The following STX7 variants were observed in gnomAD, a reference collection of about 807,000 sequenced individuals.
The protein encoded by STX7 is syntaxin-7.
Under a neutral mutation model 39.6 loss-of-function variants are expected in STX7, and 34 were observed. The ratio of observed to expected loss-of-function variants is 0.86; its 90% CI spans 0.65 to 1.14. STX7 has a LOEUF of 1.14. STX7 is among the 50% of genes most tolerant of loss of function. STX7 has a pLI of 0.00. For missense variants in STX7, 284 were observed against 310.4 expected (o/e 0.92, Z 0.64); for synonymous variants, 119 against 99.1 (o/e 1.20, Z -1.19).
chr6:132,461,785 G>A lies in STX7; in HGVS notation c.694-935C>T, dbSNP rs969728814. 3.1e-5 allele frequency: 46 copies of A among 1,486,866 alleles called. No individual in the cohort carries two copies. In the East Asian group the frequency reaches 3.7e-4, roughly 12 times the overall value. 92.1% of individuals were successfully genotyped at this position (1,486,866 alleles called of 1,614,324 possible). A position where few individuals can be genotyped will look rare whatever the true frequency, so the allele number is the denominator to read the frequency against. ...ACCGAATGGTTAAGAATTTTGTTCC[G>A]TTCTTCATTCCTGGTTCAGTTGTAG... On this transcript the variant is annotated intron_variant, in intron 9 of 9. Transcript: ENST00000367941.
chr6:132,468,878 T>C (rs986832283), intron 7 of STX7, among the ~76,000 whole-genome samples: 4 of 152,204 alleles, frequency 2.6e-5, no homozygotes, highest in Non-Finnish European at 4.4e-5. Flanking sequence ...AATTTACACA[T>C]CAATTTGACA....
intron 3 of STX7, among the ~76,000 whole-genome samples, chr6:132,474,523 T>C (rs187607039): frequency 5.8e-4 from 89 of 152,272 alleles, no homozygotes; most frequent in African/African-American, 2.1e-3. Flanking sequence ...CTCTTTGCAG[T>C]TTTCCCTCTA....
In STX7 at chr6:132,447,431, T is replaced by A. The variant is rs1774037542; in HGVS notation, c.*13327A>T. ...TATACATGCTTAAGAAATATGCACA[T>A]GCTCTAAATTGGGGGAACATGATCC... On this transcript the variant is annotated 3_prime_UTR_variant, in exon 10 of 10. Transcript: ENST00000367941. 6.6e-6 allele frequency: 1 copy of A among 152,238 alleles called. No individual in the cohort carries two copies. The highest frequency in any genetic ancestry group is 1.5e-5 in the Non-Finnish European group (1 of 68,034). The allele number at this position is 152,238 out of a possible 1,614,324, so 9.4% of individuals were successfully genotyped here.
Position 132,489,214 on chromosome 6 carries a change from A to G in STX7, c.86-13552T>C, listed in dbSNP as rs577809824. On this transcript the variant is annotated intron_variant, in intron 2 of 9. Transcript: ENST00000367941. ...GGACTCTGTCTTAAAAAAAAAAAAA[A>G]AAAAAAAAAAAGGATGATATATATG... 1.2e-3 allele frequency among the ~76,000 whole-genome samples: 173 copies of G among 144,882 alleles called. 1 individual carries two copies. The highest frequency in any genetic ancestry group is 4.6e-3 in the African/African-American group (168 of 36,486).
rs369986303 is a variant in STX7, at chr6:132,470,247, A to T, written c.441-200T>A. Reference sequence around the variant, plus strand: ...TCATTTCACTTATATCATTTTAGCTAATGTGAGTTTAGAGTTATTACTTAA... The same window carrying T: ...TCATTTCACTTATATCATTTTAGCTTATGTGAGTTTAGAGTTATTACTTAA... On this transcript the variant is annotated intron_variant, in intron 6 of 9. Transcript: ENST00000367941. 2.0e-4 allele frequency among the ~76,000 whole-genome samples: 31 copies of T among 152,266 alleles called. No individual in the cohort carries two copies. The East Asian group carries it at 4.6e-3, about 23-fold the overall frequency.
rs558653987 is a variant in STX7 at position 132,493,144 on chromosome 6, C to T, written c.85+10302G>A. ...GTGGCCATACTCAATATCATTAATA[C>T]GTAACTTCAAATAATGATAATGATA... is the stretch of plus-strand genomic sequence containing the variant. On this transcript the variant is annotated intron_variant, in intron 2 of 9. Transcript: ENST00000367941. 1.6e-4 allele frequency among the ~76,000 whole-genome samples: 25 copies of T among 152,064 alleles called. No individual in the cohort carries two copies. The South Asian group carries it at 4.2e-3, about 25-fold the overall frequency.
Position 132,446,358 on chromosome 6 carries a change from A to G in STX7, c.*14400T>C, listed in dbSNP as rs954918147. ...AAGATGATTGGGGTGAAAAACTGTCAATTGAAAAAAGTTTGAAAGAAACCT... is the reference window on the plus strand; with the variant it reads ...AAGATGATTGGGGTGAAAAACTGTCGATTGAAAAAAGTTTGAAAGAAACCT... On this transcript the variant is annotated 3_prime_UTR_variant, in exon 10 of 10. Transcript: ENST00000367941. The G allele has an allele frequency of 2.0e-5, 3 of 152,174 alleles. No individual in the cohort carries two copies. Among genetic ancestry groups the G allele is most frequent in the African/African-American group, 7.2e-5 (3 of 41,448 alleles). The allele number at this position is 152,174 out of a possible 1,614,324, so 9.4% of individuals were successfully genotyped here. A position where few individuals can be genotyped will look rare whatever the true frequency, so the allele number is the denominator to read the frequency against.
chr6:132,509,172 A>T (rs1307060483), intron 1 of STX7, among the ~76,000 whole-genome samples: 2 of 152,248 alleles, frequency 1.3e-5, no homozygotes, highest in East Asian at 3.9e-4. Context: ...AGAAAAACCA[A>T]ATTTGGGCTG....
intron 2 of STX7, among the ~76,000 whole-genome samples, chr6:132,498,179 A>G (rs1775462643): frequency 6.6e-6 from 1 of 152,180 alleles, no homozygotes; most frequent in African/African-American, 2.4e-5. Context: ...CTGTCTACAG[A>G]GCCTGTAATA....
In STX7 at chr6:132,447,399, A is replaced by T. The variant is rs1774036770; in HGVS notation, c.*13359T>A. 6.6e-6 allele frequency: 1 copy of T among 152,130 alleles called. No individual in the cohort carries two copies. The highest frequency in any genetic ancestry group is 6.6e-5 in the Admixed American group (1 of 15,264). The allele number at this position is 152,130 out of a possible 1,614,324, so 9.4% of individuals were successfully genotyped here. ...ACATTCCTTTATCATTTTCCTTCTA[A>T]ATCTTTTATACATGCTTAAGAAATA... On this transcript the variant is annotated 3_prime_UTR_variant, in exon 10 of 10. Coordinates refer to ENST00000367941, the MANE Select transcript of STX7 (RefSeq NM_003569.3).
chr6:132,505,352 A>G (rs1364049642), intron 1 of STX7, among the ~76,000 whole-genome samples: 1 of 152,186 alleles, frequency 6.6e-6, no homozygotes, highest in East Asian at 1.9e-4. Context: ...AGGAAGTACA[A>G]CAGCTGAACT....
chr6:132,505,393 T>C (rs1175632070), intron 1 of STX7, among the ~76,000 whole-genome samples: 2 of 152,318 alleles, frequency 1.3e-5, no homozygotes, highest in Non-Finnish European at 2.9e-5. Flanking sequence ...ACTGGTTCTA[T>C]GCCTGGAACT....
chr6:132,482,266 G>A lies in STX7; in HGVS notation c.86-6604C>T, dbSNP rs569881037. ...GCATCTGCTACGTACCAGGCACAGC[G>A]AGAGGGCTTCTGAACGTGAACATTA... On this transcript the variant is annotated intron_variant, in intron 2 of 9. Coordinates refer to ENST00000367941, the MANE Select transcript of STX7 (RefSeq NM_003569.3). Among the ~76,000 whole-genome samples, 39 of 152,288 alleles carry A rather than the reference G, an allele frequency of 2.6e-4. No homozygotes were observed. The Middle Eastern group carries it at 0.01, about 40-fold the overall frequency.
At chr6:132,496,694 C>T (rs1400181546) in intron 2 of STX7, among the ~76,000 whole-genome samples, 2 of 152,060 alleles carry the variant, frequency 1.3e-5, no homozygotes, top group Non-Finnish European at 1.5e-5. Context: ...ATAACCTAGC[C>T]CACAGAAAAT....
chr6:132,471,747 T>C, intron 4 of STX7, 147 bp from the exon 5 acceptor site: 3 of 899,770 alleles, frequency 3.3e-6, no homozygotes, highest in Non-Finnish European at 1.6e-6. Context: ...AACATTCTGA[T>C]AGTATGTCAA....
chr6:132,468,141 T>C (rs927455116), intron 8 of STX7, among the ~76,000 whole-genome samples: 5 of 152,194 alleles, frequency 3.3e-5, no homozygotes, highest in African/African-American at 1.2e-4. Context: ...GTGCCTTCCA[T>C]GGTCTTGGCA....
At chr6:132,483,569 C>G (rs1476630157) in intron 2 of STX7, among the ~76,000 whole-genome samples, 1 of 152,166 alleles carries the variant, frequency 6.6e-6, no homozygotes, top group Non-Finnish European at 1.5e-5. Flanking sequence ...ATCTGCTGCT[C>G]TTATACTAAT....
At chr6:132,497,728 T>C (rs1775451534) in intron 2 of STX7, among the ~76,000 whole-genome samples, 1 of 152,216 alleles carries the variant, frequency 6.6e-6, no homozygotes, top group South Asian at 2.1e-4. Context: ...GGTTTACCTA[T>C]ATGATAGGTA....
At chr6:132,463,629 A>G (rs796905104) in intron 9 of STX7, among the ~76,000 whole-genome samples, 71 of 152,262 alleles carry the variant, frequency 4.7e-4, no homozygotes, top group African/African-American at 1.7e-3. Context: ...AGAAAGAAAA[A>G]GTAAAAGGGA....
Sources: gnomAD v4.1 joint callset for allele counts (sites outside exome capture counted in the v4.1 genomes callset) on GRCh38, gnomAD v4.1.1 for gene constraint, MANE v1.5 for transcripts, NCBI Gene and HGNC (gene_info 2026-07-23, HGNC 2026-07-21) for gene names.